SLC39A12: variants seen among roughly 807,000 people sequenced by gnomAD.
The protein encoded by SLC39A12 is zinc transporter ZIP12.
Under a neutral mutation model 71.1 loss-of-function variants are expected in SLC39A12, and 63 were observed. The observed-to-expected ratio is 0.89, with a 90% CI of 0.72 to 1.09. The LOEUF (loss-of-function observed/expected upper bound fraction) is 1.09, where lower values mean the gene tolerates loss of function less well. Ranked by LOEUF, SLC39A12 falls within the 50% of genes least tolerant of loss-of-function variation. The pLI is 0.00. For missense variants in SLC39A12, 892 were observed against 812.6 expected (o/e 1.10, Z -1.19); for synonymous variants, 351 against 301.3 (o/e 1.16, Z -1.71).
intron 12 of SLC39A12, among the ~76,000 whole-genome samples, chr10:18,019,186 T>G (rs1376273022): frequency 1.3e-5 from 2 of 152,058 alleles, no homozygotes; most frequent in African/African-American, 4.8e-5. Flanking sequence ...GGGCATAGAG[T>G]TGTTCCTAAT....
intron 2 of SLC39A12, among the ~76,000 whole-genome samples, chr10:17,960,545 G>A (rs1318061606): frequency 6.6e-6 from 1 of 152,180 alleles, no homozygotes; most frequent in Admixed American, 6.5e-5. Context: ...CAGGTATTGT[G>A]CTATATGCTA....
chr10:17,992,288 C>A (rs974315055), intron 8 of SLC39A12, among the ~76,000 whole-genome samples: 4 of 151,954 alleles, frequency 2.6e-5, no homozygotes, highest in Admixed American at 2.6e-4. Flanking sequence ...AAGTGGATAG[C>A]TCAATATTTA....
chr10:17,993,118 T>C (rs1835597165), intron 8 of SLC39A12, 63 bp from the exon 9 acceptor site: 1 of 1,202,574 alleles, frequency 8.3e-7, no homozygotes, highest in South Asian at 1.5e-5. Flanking sequence ...AACCGTGGCA[T>C]TGACAAAGAC....
chr10:18,009,618 G>C (rs956567034), intron 12 of SLC39A12: 9 of 152,474 alleles, frequency 5.9e-5, no homozygotes, highest in African/African-American at 2.2e-4. Flanking sequence ...GCAGGGGATT[G>C]GGGGGAGCAG....
At chr10:18,036,786 ATATATATATT>A (rs1235222742) in intron 12 of SLC39A12, among the ~76,000 whole-genome samples, 7 of 9,460 alleles carry the variant, frequency 7.4e-4, no homozygotes, top group East Asian at 1.9e-3. Context: ...ATATATATAT[ATATATATATT>A]TTTTTTTTTA....
At chr10:18,034,741 C>G (rs1836949574) in intron 12 of SLC39A12, among the ~76,000 whole-genome samples, 1 of 151,460 alleles carries the variant, frequency 6.6e-6, no homozygotes. Flanking sequence ...TCTTCCTAGT[C>G]TCGATGGTCT....
rs1002094677 is a variant in SLC39A12 at position 18,043,105 on chromosome 10, T to C, written c.*272T>C. The stretch of plus-strand genomic sequence containing the variant: ...AGTAGTTAGTAAATTCTGCATGAAT[T>C]TTAGTAAACTTTAAAAAATAGATTT... On this transcript the variant is annotated 3_prime_UTR_variant, in exon 13 of 13. Coordinates refer to ENST00000377369, the MANE Select transcript of SLC39A12 (RefSeq NM_001145195.2). 5.5e-6 allele frequency: 1 copy of C among 183,176 alleles called. No homozygotes were observed. Among genetic ancestry groups the C allele is most frequent in the African/African-American group, 2.3e-5 (1 of 42,580 alleles). 11.3% of individuals were successfully genotyped at this position (183,176 alleles called of 1,614,324 possible).
At chr10:18,012,368 A>G (rs1016738723) in intron 12 of SLC39A12, among the ~76,000 whole-genome samples, 2 of 152,212 alleles carry the variant, frequency 1.3e-5, no homozygotes, top group Non-Finnish European at 2.9e-5. Context: ...TTTATTCTCC[A>G]GAATGTTGTA....
rs866293008 is a variant in SLC39A12 at position 18,035,542 on chromosome 10, C to G, written c.1948-7163C>G. Among the ~76,000 whole-genome samples, 4 of 151,642 alleles carry G rather than the reference C, an allele frequency of 2.6e-5. No individual in the cohort carries two copies. The South Asian group carries it at 6.3e-4, about 24-fold the overall frequency. On this transcript the variant is annotated intron_variant, in intron 12 of 12. Transcript: ENST00000377369. Reference sequence around the variant, plus strand: ...CTCTGTATTGGTTATTCTAGTTTTACATTCTTCTAAATTTTTTTCAAAGTT... The same window carrying G: ...CTCTGTATTGGTTATTCTAGTTTTAGATTCTTCTAAATTTTTTTCAAAGTT...
At chr10:17,996,726 G>A (rs113982829) in intron 10 of SLC39A12, among the ~76,000 whole-genome samples, 18 of 152,136 alleles carry the variant, frequency 1.2e-4, no homozygotes, top group African/African-American at 4.3e-4. Flanking sequence ...CGGCGGGCGC[G>A]GTGGCTCACG....
intron 12 of SLC39A12, among the ~76,000 whole-genome samples, chr10:18,021,521 T>C (rs1836533000): frequency 6.6e-6 from 1 of 152,162 alleles, no homozygotes; most frequent in South Asian, 2.1e-4. Context: ...TTCTTGCCTG[T>C]GAGATGGGTC....
At chr10:17,963,027 G>A (rs1834731370) in intron 3 of SLC39A12, among the ~76,000 whole-genome samples, 1 of 152,072 alleles carries the variant, frequency 6.6e-6, no homozygotes, top group African/African-American at 2.4e-5. Flanking sequence ...TGGATGTGGT[G>A]GCATGAGCTG....
chr10:18,000,521 AC>A, intron 10 of SLC39A12, 145 bp from the exon 11 acceptor site: 1 of 736,656 alleles, frequency 1.4e-6, no homozygotes, highest in Admixed American at 2.5e-5. Context: ...TCTAGTCCTG[AC>A]TTTTGCGGAA....
chr10:17,995,280 C>G (rs1377884515), intron 9 of SLC39A12, among the ~76,000 whole-genome samples: 1 of 152,126 alleles, frequency 6.6e-6, no homozygotes, highest in Admixed American at 6.6e-5. Flanking sequence ...GATCTTAAGT[C>G]CACAATCCAC....
At chr10:17,986,624 CAT>C (rs1445522655) in intron 6 of SLC39A12, among the ~76,000 whole-genome samples, 2 of 152,218 alleles carry the variant, frequency 1.3e-5, no homozygotes, top group Non-Finnish European at 2.9e-5. Flanking sequence ...TAGGTTTCAA[CAT>C]GTGAATTTTG....
intron 2 of SLC39A12, among the ~76,000 whole-genome samples, chr10:17,960,898 C>T (rs1391698155): frequency 6.6e-6 from 1 of 152,120 alleles, no homozygotes; most frequent in Non-Finnish European, 1.5e-5. Flanking sequence ...ATCTTGGATA[C>T]ATAAGGTTAA....
intron 3 of SLC39A12, among the ~76,000 whole-genome samples, chr10:17,964,584 T>C (rs1285036445): frequency 6.6e-6 from 1 of 152,216 alleles, no homozygotes; most frequent in Non-Finnish European, 1.5e-5. Flanking sequence ...ATTAGAGCTT[T>C]TCACATGCTT....
intron 7 of SLC39A12, among the ~76,000 whole-genome samples, 193 bp downstream of exon 7, chr10:17,987,844 G>C (rs1022333386): frequency 6.6e-6 from 1 of 152,104 alleles, no homozygotes; most frequent in African/African-American, 2.4e-5. Flanking sequence ...CCCAACATTA[G>C]GCTCGCCACA....
At chr10:18,012,282 T>A (rs1174695624) in intron 12 of SLC39A12, among the ~76,000 whole-genome samples, 2 of 152,216 alleles carry the variant, frequency 1.3e-5, no homozygotes, top group Non-Finnish European at 1.5e-5. Context: ...ACCAAACTTT[T>A]ATCTGAATTA....
Sources: allele counts gnomAD v4.1 joint callset (sites outside exome capture counted in the v4.1 genomes callset), GRCh38; gene constraint gnomAD v4.1.1; transcripts MANE v1.5; gene names NCBI Gene and HGNC (gene_info 2026-07-23, HGNC 2026-07-21).